The following SLC24A2 variants were observed in gnomAD, a reference collection of about 807,000 sequenced individuals.
SLC24A2 encodes the protein sodium/potassium/calcium exchanger 2.
SLC24A2 carries 36 observed loss-of-function variants against 62.0 expected under a neutral mutation model. That is an observed-to-expected ratio of 0.58 (90% CI 0.44 to 0.77). The LOEUF is 0.77. Ranked by LOEUF, SLC24A2 falls within the 30% of genes least tolerant of loss-of-function variation. The pLI is 0.00. For missense variants in SLC24A2, 846 were observed against 817.9 expected (o/e 1.03, Z -0.42); for synonymous variants, 358 against 294.0 (o/e 1.22, Z -2.23).
chr9:19,630,081 T>C (rs901555855), intron 2 of SLC24A2, among the ~76,000 whole-genome samples: 14 of 152,210 alleles, frequency 9.2e-5, no homozygotes, highest in African/African-American at 3.4e-4. Context: ...GGGTAGGTAG[T>C]CATTATTAGA....
At chr9:20,056,616 C>CT in the SLC24A2 span, among the ~76,000 whole-genome samples, 2 of 152,176 alleles carry the variant, frequency 1.3e-5, no homozygotes, top group Non-Finnish European at 2.9e-5. Context: ...TGTGAATTCC[C>CT]TGTTGAATAA....
the SLC24A2 span, among the ~76,000 whole-genome samples, chr9:19,803,831 C>G: frequency 6.6e-6 from 1 of 151,996 alleles, no homozygotes; most frequent in Non-Finnish European, 1.5e-5. Context: ...ATTTGAGAAA[C>G]TAAAAAGAAT....
chr9:20,004,950 A>T, the SLC24A2 span, among the ~76,000 whole-genome samples: 3 of 152,146 alleles, frequency 2.0e-5, no homozygotes, highest in African/African-American at 7.2e-5. Flanking sequence ...TCCTTGAAGT[A>T]TCTGATACTA....
the SLC24A2 span, among the ~76,000 whole-genome samples, chr9:20,091,446 A>G: frequency 6.6e-6 from 1 of 152,168 alleles, no homozygotes; most frequent in Non-Finnish European, 1.5e-5. Context: ...AAAGGCAGCT[A>G]GAGAGAAAGG....
chr9:20,258,701 T>C, the SLC24A2 span, among the ~76,000 whole-genome samples: 2 of 152,198 alleles, frequency 1.3e-5, no homozygotes, highest in Non-Finnish European at 2.9e-5. Context: ...GCAGATGGTC[T>C]GTCACGGGTG....
the SLC24A2 span, among the ~76,000 whole-genome samples, chr9:19,922,423 C>T: frequency 2.0e-5 from 3 of 152,102 alleles, no homozygotes; most frequent in South Asian, 6.2e-4. Flanking sequence ...TATTTATTTT[C>T]CTAGACATTT....
At chr9:19,959,358 G>C in the SLC24A2 span, among the ~76,000 whole-genome samples, 5 of 152,170 alleles carry the variant, frequency 3.3e-5, no homozygotes, top group Non-Finnish European at 1.5e-5. Flanking sequence ...TAAAAAATGA[G>C]GCTATTATCA....
chr9:20,227,696 C>A, the SLC24A2 span, among the ~76,000 whole-genome samples: 1 of 152,080 alleles, frequency 6.6e-6, no homozygotes, highest in African/African-American at 2.4e-5. Context: ...ACAGTCTAGG[C>A]AGCCAACTAT....
chr9:19,569,458 G>C (rs1354283842), intron 7 of SLC24A2, among the ~76,000 whole-genome samples: 1 of 152,196 alleles, frequency 6.6e-6, no homozygotes, highest in African/African-American at 2.4e-5. Flanking sequence ...CCACTCCCAA[G>C]AGGAGGGTGA....
chr9:20,043,974 ATTG>A, the SLC24A2 span, among the ~76,000 whole-genome samples: 4 of 152,206 alleles, frequency 2.6e-5, no homozygotes, highest in Non-Finnish European at 5.9e-5. Context: ...AGCAAATTTC[ATTG>A]TTGTCTCATT....
chr9:19,636,323 C>CTTTTCTTTTCT (rs1554690385), intron 2 of SLC24A2, among the ~76,000 whole-genome samples: 13 of 19,158 alleles, frequency 6.8e-4, no homozygotes, highest in South Asian at 2.4e-3. Context: ...TCTTTTCTTT[C>CTTTTCTTTTCT]TTTCTTTCTT....
At chr9:19,864,213 C>CTGACTCAATGGTTTTACTGCTGAA in the SLC24A2 span, among the ~76,000 whole-genome samples, 1 of 151,778 alleles carries the variant, frequency 6.6e-6, no homozygotes, top group Admixed American at 6.6e-5. Flanking sequence ...AAAGAAAAGC[C>CTGACTCAATGGTTTTACTGCTGAA]TGACTCAATG....
At chr9:20,046,796 A>G in the SLC24A2 span, among the ~76,000 whole-genome samples, 1 of 152,110 alleles carries the variant, frequency 6.6e-6, no homozygotes, top group East Asian at 1.9e-4. Context: ...TAGCTATTTG[A>G]TATTACTTAT....
the SLC24A2 span, among the ~76,000 whole-genome samples, chr9:19,800,254 T>G: frequency 1.1e-4 from 16 of 152,308 alleles, no homozygotes; most frequent in African/African-American, 3.6e-4. Context: ...GACAAAATAA[T>G]ATGTTGTGCC....
At chr9:20,076,431 G>T in the SLC24A2 span, among the ~76,000 whole-genome samples, 1 of 152,226 alleles carries the variant, frequency 6.6e-6, no homozygotes, top group Non-Finnish European at 1.5e-5. Context: ...CACGAAGGGA[G>T]AACCCCTGTG....
chr9:19,575,049 T>C lies in SLC24A2; in HGVS notation c.1229-1580A>G, dbSNP rs528439132. 1.2e-4 allele frequency among the ~76,000 whole-genome samples: 18 copies of C among 152,306 alleles called. No homozygotes were observed. In the South Asian group the frequency reaches 3.7e-3, roughly 32 times the overall value. On this transcript the variant is annotated intron_variant, in intron 6 of 10. Transcript: ENST00000341998. ...TAATTTGAGAGTTACATAAAAATTG[T>C]GGAGTTTGAAGCAGCCAAATTTTGG...
chr9:19,905,742 T>C, the SLC24A2 span, among the ~76,000 whole-genome samples: 1 of 152,168 alleles, frequency 6.6e-6, no homozygotes, highest in African/African-American at 2.4e-5. Flanking sequence ...AGAAAAATCT[T>C]TTCCTCTGTC....
At chr9:19,781,088 C>T (rs10964284) in intron 2 of SLC24A2, among the ~76,000 whole-genome samples, 66,256 of 151,908 alleles carry the variant, frequency 0.44, 15,244 homozygotes, top group Admixed American at 0.52. Flanking sequence ...GGTTAAAAGA[C>T]AATGCTTGTG....
the SLC24A2 span, among the ~76,000 whole-genome samples, chr9:20,137,220 C>T: frequency 6.6e-6 from 1 of 152,086 alleles, no homozygotes; most frequent in Non-Finnish European, 1.5e-5. Context: ...ATAAGAGGCA[C>T]CTATGCAAAT....
Sources: gnomAD v4.1 joint callset for allele counts (sites outside exome capture counted in the v4.1 genomes callset) on GRCh38, gnomAD v4.1.1 for gene constraint, MANE v1.5 for transcripts, NCBI Gene and HGNC (gene_info 2026-07-23, HGNC 2026-07-21) for gene names.